USH2A: variants seen among roughly 807,000 people sequenced by gnomAD.
USH2A encodes Usher syndrome 2A (autosomal recessive, mild).
USH2A carries 443 observed loss-of-function variants against 538.9 expected under a neutral mutation model. That is an observed-to-expected ratio of 0.82 (90% CI 0.76 to 0.89). USH2A has a LOEUF of 0.89. USH2A is among the 40% of genes least tolerant of loss of function. USH2A has a pLI of 0.00. For missense variants in USH2A, 6,633 were observed against 6,324.8 expected (o/e 1.05, Z -1.65); for synonymous variants, 2,413 against 2,273.5 (o/e 1.06, Z -1.75).
At chr1:215,626,150 A>C (rs1024799875) in intron 71 of USH2A, among the ~76,000 whole-genome samples, 1 of 151,436 alleles carries the variant, frequency 6.6e-6, no homozygotes, top group Admixed American at 6.6e-5. Flanking sequence ...GCCTCAGTCT[A>C]CTCATCTGTA....
In USH2A at chr1:215,799,063, A is replaced by C. The variant is rs1191125104; in HGVS notation, c.9802T>G (p.Cys3268Gly). ...GAGGTGGAGTACGGCATTCTGCCAC[A>C]GCAGGAATCACCAATGCCAACAGAA... ...RVSVGIGDSC[C>G]GRMPYSTSGN... The change falls in exon 50 of 72, where the codon TGT becomes GGT. Residue 3268 changes from cysteine (C) to glycine (G), a missense_variant. Coordinates refer to ENST00000307340, the MANE Select transcript of USH2A (RefSeq NM_206933.4). 6.2e-7 allele frequency: 1 copy of C among 1,613,976 alleles called. No individual in the cohort carries two copies. Among genetic ancestry groups the C allele is most frequent in the East Asian group, 2.2e-5 (1 of 44,856 alleles).
intron 61 of USH2A, among the ~76,000 whole-genome samples, chr1:215,716,769 A>T (rs1340684636): frequency 6.6e-6 from 1 of 152,208 alleles, no homozygotes; most frequent in Non-Finnish European, 1.5e-5. Flanking sequence ...ACTTATTTTA[A>T]ATTCAGAGTA....
intron 44 of USH2A, among the ~76,000 whole-genome samples, chr1:215,854,766 C>A (rs912724476): frequency 1.3e-5 from 2 of 152,148 alleles, no homozygotes; most frequent in Non-Finnish European, 2.9e-5. Flanking sequence ...AACCTGGTCA[C>A]CCCATCCTAA....
intron 37 of USH2A, among the ~76,000 whole-genome samples, chr1:215,952,564 G>C (rs1040758964): frequency 6.6e-6 from 1 of 152,130 alleles, no homozygotes; most frequent in Non-Finnish European, 1.5e-5. Context: ...AGCTCTTTTA[G>C]GGCAGGTGTG....
intron 51 of USH2A, among the ~76,000 whole-genome samples, chr1:215,787,963 G>A (rs1042900224): frequency 1.3e-5 from 2 of 152,192 alleles, no homozygotes; most frequent in East Asian, 3.9e-4. Context: ...AGAATCGCTT[G>A]AACCTAGCAG....
At chr1:216,100,080 G>A (rs761545825) in intron 21 of USH2A, among the ~76,000 whole-genome samples, 1 of 152,164 alleles carries the variant, frequency 6.6e-6, no homozygotes, top group East Asian at 1.9e-4. Context: ...CTAGATAGGA[G>A]GGAACTTTAA....
At chr1:216,354,705 G>C (rs550226204) in intron 4 of USH2A, among the ~76,000 whole-genome samples, 47 of 151,570 alleles carry the variant, frequency 3.1e-4, no homozygotes, top group Middle Eastern at 6.8e-3. Flanking sequence ...AAAAAGAGTG[G>C]GGAAAATGAA....
intron 44 of USH2A, 113 bp downstream of exon 44, chr1:215,866,894 C>A: frequency 6.9e-7 from 1 of 1,457,088 alleles, no homozygotes; most frequent in Non-Finnish European, 9.5e-7. Context: ...AAAAATTTAC[C>A]AGTAACACTT....
intron 14 of USH2A, among the ~76,000 whole-genome samples, chr1:216,225,072 A>G (rs887833166): frequency 2.0e-5 from 3 of 152,154 alleles, no homozygotes; most frequent in South Asian, 2.1e-4. Flanking sequence ...CTGTTTTCCT[A>G]TACTGCATAT....
intron 32 of USH2A, among the ~76,000 whole-genome samples, chr1:216,003,011 C>T (rs1668302820): frequency 6.6e-6 from 1 of 152,100 alleles, no homozygotes; most frequent in Non-Finnish European, 1.5e-5. Flanking sequence ...CCCAGAATAT[C>T]CGCCTCAGAT....
In USH2A at chr1:215,728,085, T is replaced by C. The variant is rs903392471; in HGVS notation, c.12011A>G (p.Glu4004Gly). 1.2e-6 allele frequency: 2 copies of C among 1,614,092 alleles called. No individual in the cohort carries two copies. The highest frequency in any genetic ancestry group is 1.7e-6 in the Non-Finnish European group (2 of 1,180,056). ...GTTAAATGTAGGATCGTCGGGTCTCTCCTGGTAGACCACACGGTAATGGGA... is the reference window on the plus strand; with the variant it reads ...GTTAAATGTAGGATCGTCGGGTCTCCCCTGGTAGACCACACGGTAATGGGA... ...IISHYRVVYQ[E>G]RPDDPTFNSP... Residue 4004 changes from glutamate (E) to glycine (G), a missense_variant, in exon 61 of 72, where the codon GAG becomes GGG. By Grantham distance (98) the Glu-to-Gly change is moderately conservative. Transcript: ENST00000307340.
chr1:215,874,193 G>C (rs1457618242), intron 43 of USH2A, among the ~76,000 whole-genome samples: 1 of 152,144 alleles, frequency 6.6e-6, no homozygotes, highest in East Asian at 1.9e-4. Flanking sequence ...TTTTCTAAGT[G>C]ATGAAAATGT....
chr1:216,141,280 G>T (rs560691045), intron 21 of USH2A, among the ~76,000 whole-genome samples: 1 of 152,178 alleles, frequency 6.6e-6, no homozygotes, highest in African/African-American at 2.4e-5. Flanking sequence ...TGCACAGGGG[G>T]CCATTAAGCT....
At chr1:215,998,773 A>C in intron 34 of USH2A, 114 bp downstream of exon 34, 1 of 1,182,060 alleles carries the variant, frequency 8.5e-7, no homozygotes, top group Non-Finnish European at 1.2e-6. Context: ...ACAGCAATAC[A>C]TGAAGATTTT....
intron 58 of USH2A, among the ~76,000 whole-genome samples, chr1:215,744,564 T>C (rs1369122742): frequency 1.3e-5 from 2 of 152,176 alleles, no homozygotes; most frequent in Non-Finnish European, 2.9e-5. Context: ...TTAGAAACAG[T>C]GGAATCTAGA....
In USH2A at chr1:215,872,452, C is replaced by G. The variant is rs1886747; in HGVS notation, c.8682-5282G>C. On this transcript the variant is annotated intron_variant, in intron 43 of 71. Coordinates refer to ENST00000307340, the MANE Select transcript of USH2A (RefSeq NM_206933.4). ...GTTATGTTTCTGTTGCTATCTATAT[C>G]TACACTACCAGAATTGTCAGACCTA... Among the ~76,000 whole-genome samples the G allele has an allele frequency of 5.9e-3, 894 of 152,232 alleles. 10 individuals carry two copies. The highest frequency in any genetic ancestry group is 0.021 in the African/African-American group (863 of 41,542).
intron 21 of USH2A, among the ~76,000 whole-genome samples, chr1:216,107,672 C>T (rs1382121429): frequency 2.1e-5 from 3 of 141,646 alleles, no homozygotes; most frequent in African/African-American, 7.5e-5. Flanking sequence ...TCTCTCTTTT[C>T]TTACTTTCTT....
chr1:216,155,900 T>C (rs1462927366), intron 21 of USH2A, among the ~76,000 whole-genome samples: 2 of 152,214 alleles, frequency 1.3e-5, no homozygotes, highest in Non-Finnish European at 2.9e-5. Flanking sequence ...ATAATCTTAT[T>C]AGATGATTAA....
chr1:216,128,867 C>T (rs148458596), intron 21 of USH2A, among the ~76,000 whole-genome samples: 66 of 152,048 alleles, frequency 4.3e-4, no homozygotes, highest in Admixed American at 3.6e-3. Context: ...ATTGTACTTC[C>T]GTTCCCATTA....
Sources: allele counts gnomAD v4.1 joint callset (sites outside exome capture counted in the v4.1 genomes callset), GRCh38; gene constraint gnomAD v4.1.1; transcripts MANE v1.5; gene names NCBI Gene and HGNC (gene_info 2026-07-23, HGNC 2026-07-21).